LUC7L2: variants seen among roughly 807,000 people sequenced by gnomAD.
LUC7L2 encodes LUC7 like 2, pre-mRNA splicing factor.
LUC7L2 carries 25 observed loss-of-function variants against 52.8 expected under a neutral mutation model. The observed-to-expected ratio is 0.47, with a 90% confidence interval of 0.34 to 0.66. The LOEUF (loss-of-function observed/expected upper bound fraction) is 0.66, where lower values mean the gene tolerates loss of function less well. LUC7L2 is among the 30% of genes least tolerant of loss of function. The pLI, the probability that LUC7L2 is intolerant of heterozygous loss-of-function variation, is 0.01. For synonymous variants in LUC7L2, 144 were observed against 160.9 expected, an observed-to-expected ratio of 0.89 and a Z score of 0.80; for missense variants, 328 against 497.8, an observed-to-expected ratio of 0.66 and a Z score of 3.25.
intron 2 of LUC7L2, among the ~76,000 whole-genome samples, chr7:139,394,865 C>T: frequency 6.6e-6 from 1 of 152,182 alleles, no homozygotes; most frequent in Non-Finnish European, 1.5e-5. Context: ...GCAAGTCATT[C>T]TTTCTGTGCA....
At chr7:139,366,970 ATTAT>A (rs1389835380) in intron 1 of LUC7L2, among the ~76,000 whole-genome samples, 1 of 151,854 alleles carries the variant, frequency 6.6e-6, no homozygotes, top group Non-Finnish European at 1.5e-5. Context: ...TGCCTTTATT[ATTAT>A]TTATTTTTAT....
intron 1 of LUC7L2, among the ~76,000 whole-genome samples, chr7:139,353,799 C>A (rs908809423): frequency 1.3e-5 from 2 of 149,736 alleles, no homozygotes; most frequent in Admixed American, 6.7e-5. Context: ...CTCAAAAAAA[C>A]CCAAAAAAAA....
At chr7:139,405,404 C>T (rs966922066) in intron 4 of LUC7L2, among the ~76,000 whole-genome samples, 1 of 152,172 alleles carries the variant, frequency 6.6e-6, no homozygotes, top group African/African-American at 2.4e-5. Context: ...GAATACACCA[C>T]CTCGCCAGAG....
chr7:139,351,809 A>G (rs955404029), intron 1 of LUC7L2, among the ~76,000 whole-genome samples: 4 of 152,224 alleles, frequency 2.6e-5, no homozygotes, highest in African/African-American at 9.6e-5. Context: ...TTCATTCTTC[A>G]GGATTTCAGG....
At chr7:139,365,953 C>G (rs917373789) in intron 1 of LUC7L2, among the ~76,000 whole-genome samples, 1 of 152,136 alleles carries the variant, frequency 6.6e-6, no homozygotes, top group Admixed American at 6.5e-5. Context: ...TATTGGAAGG[C>G]AGGGCCAAAA....
In LUC7L2 at chr7:139,360,230, A is replaced by AC; in HGVS notation, c.-27dup. The stretch of plus-strand genomic sequence containing the variant: ...CCCAAAAGGGCCCGGTCTGCGCCCC[A>AC]CCCCCGCCCGTCCGCCCGCTACGCC... On this transcript the variant is annotated 5_prime_UTR_variant, in exon 1 of 10. Coordinates refer to ENST00000354926, the MANE Select transcript of LUC7L2 (RefSeq NM_016019.5). 1 of 1,481,320 alleles carries AC rather than the reference A, an allele frequency of 6.8e-7. No homozygotes were observed. The allele number at this position is 1,481,320 out of a possible 1,614,324, so 91.8% of individuals were successfully genotyped here.
At chr7:139,400,361 T>G (rs947310740) in intron 3 of LUC7L2, among the ~76,000 whole-genome samples, 31 of 152,054 alleles carry the variant, frequency 2.0e-4, no homozygotes, top group Admixed American at 7.9e-4. Flanking sequence ...ATACAAAAAT[T>G]AGCCGGGCAT....
chr7:139,397,407 T>C (rs750967377), intron 2 of LUC7L2, among the ~76,000 whole-genome samples: 17 of 152,226 alleles, frequency 1.1e-4, no homozygotes, highest in Admixed American at 7.2e-4. Context: ...ATTCTTGTTA[T>C]TTGTTTCCCC....
intron 1 of LUC7L2, 114 bp downstream of exon 1, chr7:139,360,436 T>C (rs535120440): frequency 1.1e-6 from 1 of 939,970 alleles, no homozygotes; most frequent in Non-Finnish European, 1.6e-6. Flanking sequence ...GCTCCCAGAT[T>C]GGTAACACGA....
chr7:139,361,016 G>A (rs1217234171), intron 1 of LUC7L2, among the ~76,000 whole-genome samples: 1 of 152,218 alleles, frequency 6.6e-6, no homozygotes, highest in African/African-American at 2.4e-5. Flanking sequence ...GTCCCTAACA[G>A]AACGATTTTG....
chr7:139,399,448 G>GGTTTTTTT (rs1794799799), intron 3 of LUC7L2, among the ~76,000 whole-genome samples: 2 of 83,124 alleles, frequency 2.4e-5, no homozygotes, highest in Non-Finnish European at 5.5e-5. Flanking sequence ...GTGTTTGGGG[G>GGTTTTTTT]ATTTTTTTTT....
chr7:139,399,449 A>ATTTTTTTTTTTTTTTT (rs71169090), intron 3 of LUC7L2, among the ~76,000 whole-genome samples: 8 of 50,458 alleles, frequency 1.6e-4, no homozygotes, highest in East Asian at 7.9e-4. Flanking sequence ...TGTTTGGGGG[A>ATTTTTTTTTTTTTTTT]TTTTTTTTTT....
intron 1 of LUC7L2, among the ~76,000 whole-genome samples, chr7:139,349,069 G>T (rs541008971): frequency 6.6e-6 from 1 of 152,224 alleles, no homozygotes; most frequent in African/African-American, 2.4e-5. Context: ...CACAAGAATT[G>T]TTTGAACCCG....
In LUC7L2 at chr7:139,363,270, A is replaced by G. The variant is rs528531315; in HGVS notation, c.61+2948A>G. 4 of 982,462 alleles carry G rather than the reference A, an allele frequency of 4.1e-6. No individual in the cohort carries two copies. The South Asian group carries it at 1.9e-4, about 46-fold the overall frequency. 60.9% of individuals were successfully genotyped at this position (982,462 alleles called of 1,614,324 possible). ...GAAGCAGGGTACCGCGTGAGTTGAA[A>G]CATTGGTCACACTATATAAAGTTTG... is the stretch of plus-strand genomic sequence containing the variant. On this transcript the variant is annotated intron_variant, in intron 1 of 9. Transcript: ENST00000354926.
intron 9 of LUC7L2, among the ~76,000 whole-genome samples, chr7:139,420,980 A>C (rs1286528309): frequency 6.6e-6 from 1 of 152,104 alleles, no homozygotes; most frequent in East Asian, 1.9e-4. Flanking sequence ...TTGTATTTTA[A>C]GTAGAGACGG....
rs753941674 is a variant in LUC7L2, at chr7:139,422,526, A to G, written c.*186A>G. 5.8e-6 allele frequency: 7 copies of G among 1,215,536 alleles called. No individual in the cohort carries two copies. The highest frequency in any genetic ancestry group is 7.3e-5 in the Admixed American group (2 of 27,458). The allele number at this position is 1,215,536 out of a possible 1,614,324, so 75.3% of individuals were successfully genotyped here. ...TGATGATGCCTAAAACTACATCCAT[A>G]GTTTCTGGTGAACCTGTAATACAGT... On this transcript the variant is annotated 3_prime_UTR_variant, in exon 10 of 10. Transcript: ENST00000354926.
chr7:139,392,478 G>T (rs1216780187), intron 2 of LUC7L2: 2 of 402,650 alleles, frequency 5.0e-6, no homozygotes, highest in South Asian at 1.8e-5. Flanking sequence ...CCAGGATCAG[G>T]TATAGTTATT....
chr7:139,385,720 C>G (rs1794167343), intron 2 of LUC7L2, among the ~76,000 whole-genome samples: 1 of 152,146 alleles, frequency 6.6e-6, no homozygotes, highest in South Asian at 2.1e-4. Flanking sequence ...TTTTCATAGT[C>G]TAGTACTGGT....
chr7:139,362,150 C>A (rs1249008407), intron 1 of LUC7L2, among the ~76,000 whole-genome samples: 2 of 151,436 alleles, frequency 1.3e-5, no homozygotes, highest in Non-Finnish European at 2.9e-5. Context: ...TATGATCGAA[C>A]TCATATTTAC....
Sources: gnomAD v4.1 joint callset for allele counts (sites outside exome capture counted in the v4.1 genomes callset) on GRCh38, gnomAD v4.1.1 for gene constraint, MANE v1.5 for transcripts, NCBI Gene and HGNC (gene_info 2026-07-23, HGNC 2026-07-21) for gene names.